Variants in INPP4B observed in about 807,000 individuals in gnomAD.
INPP4B encodes inositol polyphosphate 4-phosphatase type II.
In INPP4B, 55 loss-of-function variants were observed where a neutral mutation model predicts 122.5. That is an observed-to-expected ratio of 0.45 (90% CI 0.36 to 0.56). The LOEUF is 0.56. INPP4B is among the 20% of genes least tolerant of loss of function. INPP4B has a pLI of 0.00. For missense variants in INPP4B, 1,000 were observed against 1,097.7 expected (o/e 0.91, Z 1.26); for synonymous variants, 403 against 388.7 (o/e 1.04, Z -0.43).
rs534369629 is a variant in INPP4B, at chr4:142,116,620, C to T, written c.2136-3938G>A. 1.6e-3 allele frequency among the ~76,000 whole-genome samples: 243 copies of T among 152,180 alleles called. 1 individual carries two copies. Among genetic ancestry groups the T allele is most frequent in the Admixed American group, 3.5e-3 (53 of 15,274 alleles). On this transcript the variant is annotated intron_variant, in intron 21 of 25. Transcript: ENST00000262992. The stretch of plus-strand genomic sequence containing the variant: ...AGATGTTCTTTGAAACCAATGAGAA[C>T]AAAGATACAACATACCAGAATCTCT...
chr4:142,362,623 G>A (rs1014195395), intron 7 of INPP4B, among the ~76,000 whole-genome samples: 4 of 151,888 alleles, frequency 2.6e-5, no homozygotes, highest in African/African-American at 9.7e-5. Flanking sequence ...CAGCCTACAA[G>A]ATGTGTGAAG....
intron 19 of INPP4B, among the ~76,000 whole-genome samples, chr4:142,123,781 T>A (rs1401973289): frequency 6.6e-6 from 1 of 152,130 alleles, no homozygotes; most frequent in Admixed American, 6.6e-5. Context: ...CACAGGGTCA[T>A]TAAAAGAACA....
At chr4:142,223,990 A>C (rs908230637) in intron 12 of INPP4B, among the ~76,000 whole-genome samples, 13 of 152,146 alleles carry the variant, frequency 8.5e-5, no homozygotes, top group African/African-American at 2.9e-4. Context: ...TTTTCCCACT[A>C]ATCAATGTTT....
intron 23 of INPP4B, among the ~76,000 whole-genome samples, chr4:142,091,502 G>C (rs1417307288): frequency 6.6e-6 from 1 of 152,224 alleles, no homozygotes; most frequent in Non-Finnish European, 1.5e-5. Context: ...TTAAAAAAGA[G>C]TTCACAGCCT....
At chr4:142,772,949 G>GTCA (rs1773313353) in intron 1 of INPP4B, among the ~76,000 whole-genome samples, 1 of 152,202 alleles carries the variant, frequency 6.6e-6, no homozygotes, top group South Asian at 2.1e-4. Flanking sequence ...GATAGGCTGA[G>GTCA]TCACTAGAAT....
intron 2 of INPP4B, among the ~76,000 whole-genome samples, chr4:142,626,865 G>C (rs1187932012): frequency 6.6e-6 from 1 of 151,974 alleles, no homozygotes; most frequent in Non-Finnish European, 1.5e-5. Context: ...GATGCTGTAA[G>C]GTATTTCTTC....
chr4:142,719,370 C>A (rs1373032), intron 2 of INPP4B, among the ~76,000 whole-genome samples: 96,299 of 151,574 alleles, frequency 0.64, 30,797 homozygotes, highest in East Asian at 0.78. Flanking sequence ...GCCACCCAGG[C>A]TGGAGTGTAG....
intron 18 of INPP4B, among the ~76,000 whole-genome samples, chr4:142,139,728 G>A (rs1806746912): frequency 6.6e-6 from 1 of 152,354 alleles, no homozygotes; most frequent in African/African-American, 2.4e-5. Context: ...AGGTTGGGGT[G>A]CACTTTTAGG....
intron 25 of INPP4B, among the ~76,000 whole-genome samples, chr4:142,041,030 G>A (rs1747134952): frequency 6.6e-6 from 1 of 152,152 alleles, no homozygotes; most frequent in South Asian, 2.1e-4. Context: ...AAGGCAGTCT[G>A]ACTCCAGGGC....
At chr4:142,695,744 G>T (rs1047478340) in intron 2 of INPP4B, among the ~76,000 whole-genome samples, 3 of 152,140 alleles carry the variant, frequency 2.0e-5, no homozygotes, top group Non-Finnish European at 4.4e-5. Flanking sequence ...CAATGACAGT[G>T]CTCTATCCAA....
chr4:142,780,983 A>G (rs1040111207), intron 1 of INPP4B, among the ~76,000 whole-genome samples: 1 of 152,146 alleles, frequency 6.6e-6, no homozygotes, highest in East Asian at 1.9e-4. Flanking sequence ...AAGACCTTAG[A>G]CGCGTTAGAG....
intron 12 of INPP4B, among the ~76,000 whole-genome samples, chr4:142,234,693 G>T (rs554563275): frequency 6.6e-6 from 1 of 152,298 alleles, no homozygotes; most frequent in African/African-American, 2.4e-5. Context: ...TGAATTTTTG[G>T]AATCTATCAG....
intron 18 of INPP4B, among the ~76,000 whole-genome samples, chr4:142,130,992 G>C (rs1661542316): frequency 1.3e-5 from 2 of 152,178 alleles, no homozygotes; most frequent in Admixed American, 1.3e-4. Flanking sequence ...AAAGCCTAAA[G>C]TAAATTCTGC....
At chr4:142,400,266 T>C (rs981992819) in intron 7 of INPP4B, among the ~76,000 whole-genome samples, 5 of 152,296 alleles carry the variant, frequency 3.3e-5, no homozygotes, top group East Asian at 1.9e-4. Flanking sequence ...ATTCAACCAA[T>C]ATAGAAGATC....
intron 1 of INPP4B, among the ~76,000 whole-genome samples, chr4:142,728,225 T>G (rs1765582067): frequency 6.6e-6 from 1 of 152,198 alleles, no homozygotes; most frequent in Non-Finnish European, 1.5e-5. Context: ...GAGCCCTGAT[T>G]GGGCTTGACT....
intron 3 of INPP4B, among the ~76,000 whole-genome samples, chr4:142,448,329 C>CAAAAAA (rs71586289): frequency 1.1e-4 from 7 of 61,980 alleles, no homozygotes; most frequent in African/African-American, 3.3e-4. Flanking sequence ...TATCCATCTC[C>CAAAAAA]AAAAAAAAAA....
chr4:142,263,566 T>G (rs778853162), intron 10 of INPP4B, among the ~76,000 whole-genome samples: 1 of 147,398 alleles, frequency 6.8e-6, no homozygotes, highest in African/African-American at 2.5e-5. Flanking sequence ...GGAACGAAAA[T>G]AGACAAATAG....
rs77396854 is a variant in INPP4B at position 142,299,176 on chromosome 4, G to C, written c.503+6282C>G. On this transcript the variant is annotated intron_variant, in intron 9 of 25. Transcript: ENST00000262992. ...TCTTTCTTTTTTTTTTTTTGGGGGG[G>C]AGACAGAGTCTTGCTCTTATCCCCT... Among the ~76,000 whole-genome samples the C allele has an allele frequency of 6.9e-5, 9 of 130,564 alleles. No individual in the cohort carries two copies. The East Asian group carries it at 1.3e-3, about 19-fold the overall frequency. The allele number at this position is 130,564 out of a possible 152,430, so 85.7% of individuals were successfully genotyped here.
chr4:142,234,435 G>A (rs11727992), intron 12 of INPP4B, among the ~76,000 whole-genome samples: 1,821 of 152,028 alleles, frequency 0.012, 19 homozygotes, highest in Non-Finnish European at 0.018. Flanking sequence ...TCTTTGTATA[G>A]ATTTCTTATT....
Sources: gnomAD v4.1 joint callset for allele counts (sites outside exome capture counted in the v4.1 genomes callset) on GRCh38, gnomAD v4.1.1 for gene constraint, MANE v1.5 for transcripts, NCBI Gene and HGNC (gene_info 2026-07-23, HGNC 2026-07-21) for gene names.